FBXO36: variants seen among roughly 807,000 people sequenced by gnomAD.
FBXO36 encodes the protein F-box protein 36.
FBXO36 carries 18 observed loss-of-function variants against 17.0 expected under a neutral mutation model. The observed-to-expected ratio is 1.06, with a 90% confidence interval of 0.73 to 1.57. The LOEUF (loss-of-function observed/expected upper bound fraction) is 1.57, where lower values mean the gene tolerates loss of function less well. Ranked by LOEUF, FBXO36 falls within the 40% of genes most tolerant of loss-of-function variation. The probability of loss-of-function intolerance (pLI) is 0.00; values close to 1 mark genes in which losing one functional copy is unlikely to be tolerated. For missense variants in FBXO36, 229 were observed against 221.9 expected (o/e 1.03, Z -0.20); for synonymous variants, 83 against 85.3 (o/e 0.97, Z 0.15).
At chr2:230,000,106 C>A (rs540383926) in intron 3 of FBXO36, among the ~76,000 whole-genome samples, 1 of 151,996 alleles carries the variant, frequency 6.6e-6, no homozygotes, top group South Asian at 2.1e-4. Context: ...ACCTGTAATC[C>A]CAGCACTTTG....
intron 1 of FBXO36, among the ~76,000 whole-genome samples, chr2:229,932,384 G>A (rs2076943214): frequency 6.6e-6 from 1 of 152,160 alleles, no homozygotes; most frequent in African/African-American, 2.4e-5. Flanking sequence ...GCCTGGTGTA[G>A]TGGTGGGTGC....
chr2:229,983,761 A>C (rs1005443871), intron 2 of FBXO36, among the ~76,000 whole-genome samples: 4 of 152,222 alleles, frequency 2.6e-5, no homozygotes, highest in Non-Finnish European at 5.9e-5. Context: ...CCCACTAGGT[A>C]TGTGACCTTA....
At chr2:229,975,187 C>G (rs1165007452) in intron 1 of FBXO36, among the ~76,000 whole-genome samples, 2 of 152,128 alleles carry the variant, frequency 1.3e-5, no homozygotes, top group African/African-American at 4.8e-5. Flanking sequence ...AATGTGCCAT[C>G]AGCAGATCCA....
chr2:229,938,672 A>AT (rs1423540724), intron 1 of FBXO36, among the ~76,000 whole-genome samples: 19 of 138,208 alleles, frequency 1.4e-4, no homozygotes, highest in Non-Finnish European at 2.0e-4. Context: ...TAATTTTTGT[A>AT]TTTTTTGTAT....
At chr2:229,974,679 G>C (rs540813640) in intron 1 of FBXO36, among the ~76,000 whole-genome samples, 7 of 152,268 alleles carry the variant, frequency 4.6e-5, no homozygotes, top group Non-Finnish European at 7.4e-5. Flanking sequence ...CAAGGATTTT[G>C]TTGCTTGATC....
intron 2 of FBXO36, among the ~76,000 whole-genome samples, chr2:229,994,370 A>C (rs1362729599): frequency 6.6e-6 from 1 of 152,070 alleles, no homozygotes; most frequent in Non-Finnish European, 1.5e-5. Flanking sequence ...TTAAATCCTT[A>C]ATGCCTCTAT....
rs2077417692 is a variant in FBXO36, at chr2:230,011,823, T to C, written c.*939T>C. ...ACAGCTACCACTTTTAACAAGGATATTTAAGAAAACAGACTATGAGTTAAC... is the reference window on the plus strand; with the variant it reads ...ACAGCTACCACTTTTAACAAGGATACTTAAGAAAACAGACTATGAGTTAAC... On this transcript the variant is annotated 3_prime_UTR_variant, in exon 4 of 4. Transcript: ENST00000283946. 1 of 152,096 alleles carries C rather than the reference T, an allele frequency of 6.6e-6. No homozygotes were observed. Among genetic ancestry groups the C allele is most frequent in the East Asian group, 1.9e-4 (1 of 5,186 alleles). The allele number at this position is 152,096 out of a possible 1,614,324, so 9.4% of individuals were successfully genotyped here. A position where few individuals can be genotyped will look rare whatever the true frequency, so the allele number is the denominator to read the frequency against.
chr2:229,939,231 CT>C, intron 1 of FBXO36: 1 of 985,222 alleles, frequency 1.0e-6, no homozygotes, highest in Non-Finnish European at 1.2e-6. Flanking sequence ...ACAGATACAA[CT>C]TTCTACCTCG....
At position 229,922,588 on chromosome 2, in the gene FBXO36, G is replaced by C. The variant is rs749576716; in HGVS notation, c.75G>C (p.Gln25His). ...CGCCGCCTAGCAAAGACTATTACCAGTTACTGGTCACCCGGTCTCAGGCAA... is the reference window on the plus strand; with the variant it reads ...CGCCGCCTAGCAAAGACTATTACCACTTACTGGTCACCCGGTCTCAGGCAA... ...QGPPPSKDYY[Q>H]LLVTRSQVIF... The change falls in exon 1 of 4, where the codon CAG becomes CAC. Residue 25 changes from glutamine to histidine, a missense_variant. Transcript: ENST00000283946. The C allele has an allele frequency of 1.7e-5, 28 of 1,614,096 alleles. No individual in the cohort carries two copies. The highest frequency in any genetic ancestry group is 2.3e-5 in the Non-Finnish European group (27 of 1,180,014).
chr2:229,926,520 G>A (rs2076913092), intron 1 of FBXO36, among the ~76,000 whole-genome samples: 1 of 151,620 alleles, frequency 6.6e-6, no homozygotes, highest in Admixed American at 6.6e-5. Context: ...CTGACGGGTG[G>A]ATCACTTGAG....
At chr2:229,978,441 G>A (rs2077221296) in intron 2 of FBXO36, among the ~76,000 whole-genome samples, 1 of 151,926 alleles carries the variant, frequency 6.6e-6, no homozygotes, top group Non-Finnish European at 1.5e-5. Flanking sequence ...AAAATTAGCT[G>A]GGCATGATGG....
chr2:229,965,441 T>C (rs938319642), intron 1 of FBXO36, among the ~76,000 whole-genome samples: 1 of 151,876 alleles, frequency 6.6e-6, no homozygotes, highest in Non-Finnish European at 1.5e-5. Flanking sequence ...TTGTTACATA[T>C]GTATACATGT....
At chr2:229,942,461 T>C (rs1314560253) in intron 1 of FBXO36, among the ~76,000 whole-genome samples, 1 of 152,198 alleles carries the variant, frequency 6.6e-6, no homozygotes, top group African/African-American at 2.4e-5. Flanking sequence ...GGTTACCTGT[T>C]GGAGTGAGTC....
chr2:230,007,846 G>C (rs925411304), intron 3 of FBXO36, among the ~76,000 whole-genome samples: 1 of 151,668 alleles, frequency 6.6e-6, no homozygotes. Context: ...TCCACCCTTC[G>C]GCCTCCCAAA....
chr2:229,960,389 G>A (rs959118039), intron 1 of FBXO36, among the ~76,000 whole-genome samples: 8 of 152,044 alleles, frequency 5.3e-5, no homozygotes, highest in Non-Finnish European at 1.2e-4. Context: ...GTGTTACCCT[G>A]GCTGGTATCA....
chr2:229,978,033 G>A (rs2077219141), intron 2 of FBXO36, among the ~76,000 whole-genome samples: 1 of 152,064 alleles, frequency 6.6e-6, no homozygotes, highest in South Asian at 2.1e-4. Flanking sequence ...GGAAGGATTA[G>A]TTGGGCCCAG....
intron 3 of FBXO36, among the ~76,000 whole-genome samples, chr2:230,002,652 A>G (rs7582815): frequency 0.28 from 42,550 of 152,042 alleles, 6,255 homozygotes; most frequent in Middle Eastern, 0.38. Flanking sequence ...CCAAAGTGTT[A>G]GGATTACAGG....
intron 2 of FBXO36, among the ~76,000 whole-genome samples, chr2:229,979,791 A>C (rs1333896206): frequency 6.6e-6 from 1 of 151,998 alleles, no homozygotes; most frequent in Non-Finnish European, 1.5e-5. Flanking sequence ...TAACTCCTTT[A>C]TGGCAAATAT....
At chr2:229,950,418 T>TC (rs2077051511) in intron 1 of FBXO36, among the ~76,000 whole-genome samples, 1 of 151,788 alleles carries the variant, frequency 6.6e-6, no homozygotes, top group South Asian at 2.1e-4. Context: ...AGAGCAAGAC[T>TC]CCATCTCAAA....
Sources: gnomAD v4.1 joint callset for allele counts (sites outside exome capture counted in the v4.1 genomes callset) on GRCh38, gnomAD v4.1.1 for gene constraint, MANE v1.5 for transcripts, NCBI Gene and HGNC (gene_info 2026-07-23, HGNC 2026-07-21) for gene names.